Variants in TXNRD3 observed in about 807,000 individuals in gnomAD.
TXNRD3 encodes thioredoxin reductase 3.
In TXNRD3, 68 loss-of-function variants were observed where a neutral mutation model predicts 78.2. The ratio of observed to expected loss-of-function variants is 0.87; its 90% CI spans 0.72 to 1.06. TXNRD3 has a LOEUF of 1.06. Among genes scored for constraint, TXNRD3 ranks in the 50% least tolerant of loss-of-function variants. The pLI is 0.00. For synonymous variants in TXNRD3, 296 were observed against 300.1 expected, an observed-to-expected ratio of 0.99 and a Z score of 0.14; for missense variants, 751 against 809.5, an observed-to-expected ratio of 0.93 and a Z score of 0.88.
chr3:126,655,021 C>T lies in TXNRD3; in HGVS notation c.-31G>A. 5 of 1,295,318 alleles carry T rather than the reference C, an allele frequency of 3.9e-6. No individual in the cohort carries two copies. Among genetic ancestry groups the T allele is most frequent in the Non-Finnish European group, 3.9e-6 (4 of 1,023,756 alleles). The allele number at this position is 1,295,318 out of a possible 1,614,324, so 80.2% of individuals were successfully genotyped here. A position where few individuals can be genotyped will look rare whatever the true frequency, so the allele number is the denominator to read the frequency against. ...CGCTCTCGCTCCTGGCCCGGCCGGG[C>T]CTGCTCACAAACCGAAACGCAGGCG... On this transcript the variant is annotated 5_prime_UTR_variant, in exon 1 of 16. Coordinates refer to ENST00000524230, the MANE Select transcript of TXNRD3 (RefSeq NM_052883.3).
intron 13 of TXNRD3, among the ~76,000 whole-genome samples, chr3:126,611,579 C>T (rs1576279084): frequency 6.6e-6 from 1 of 152,180 alleles, no homozygotes; most frequent in South Asian, 2.1e-4. Flanking sequence ...AGAACCCAGC[C>T]ATGGGAGAGC....
chr3:126,610,371 A>G (rs1938170406), intron 14 of TXNRD3, among the ~76,000 whole-genome samples: 1 of 152,196 alleles, frequency 6.6e-6, no homozygotes, highest in Non-Finnish European at 1.5e-5. Context: ...TTCTACATTC[A>G]GAATTCTTTA....
At chr3:126,618,715 C>T (rs1576282712) in intron 12 of TXNRD3, among the ~76,000 whole-genome samples, 3 of 151,696 alleles carry the variant, frequency 2.0e-5, no homozygotes, top group South Asian at 4.2e-4. Flanking sequence ...ACAAATGAGA[C>T]GGTATCAAAC....
At chr3:126,635,256 G>A (rs1938828478) in intron 6 of TXNRD3, among the ~76,000 whole-genome samples, 1 of 152,040 alleles carries the variant, frequency 6.6e-6, no homozygotes, top group South Asian at 2.1e-4. Context: ...TGTTCTTGTT[G>A]CAAAAGGCAT....
At chr3:126,644,177 C>A (rs1559779212) in intron 4 of TXNRD3, 120 bp downstream of exon 4, 1 of 1,342,964 alleles carries the variant, frequency 7.4e-7, no homozygotes, top group South Asian at 1.3e-5. Flanking sequence ...CTGAATTATA[C>A]CAGCTATTAC....
chr3:126,645,135 C>G (rs1423618181), intron 3 of TXNRD3, among the ~76,000 whole-genome samples: 1 of 152,204 alleles, frequency 6.6e-6, no homozygotes, highest in Non-Finnish European at 1.5e-5. Context: ...CGTGGACTCA[C>G]CAAATGCCAT....
intron 14 of TXNRD3, among the ~76,000 whole-genome samples, 152 bp from the exon 15 acceptor site, chr3:126,608,785 T>C (rs558899928): frequency 6.6e-6 from 1 of 152,270 alleles, no homozygotes; most frequent in East Asian, 1.9e-4. Flanking sequence ...ACCATGAAAC[T>C]AAGCCACTGT....
intron 7 of TXNRD3, 33 bp downstream of exon 7, chr3:126,633,875 AG>A: frequency 7.0e-7 from 1 of 1,436,338 alleles, no homozygotes; most frequent in Non-Finnish European, 9.1e-7. Flanking sequence ...TTGTAAAGAA[AG>A]GAGATGAACA....
intron 12 of TXNRD3, among the ~76,000 whole-genome samples, chr3:126,618,528 T>C (rs540111578): frequency 1.3e-5 from 2 of 152,310 alleles, no homozygotes; most frequent in African/African-American, 2.4e-5. Context: ...AGAATGAAAC[T>C]GTACCTCTAT....
intron 10 of TXNRD3, 129 bp downstream of exon 10, chr3:126,629,250 T>A (rs1938652950): frequency 2.9e-6 from 2 of 684,224 alleles, no homozygotes; most frequent in South Asian, 4.1e-5. Context: ...TTATCTTCTA[T>A]GATAATGCTC....
chr3:126,612,278 C>A (rs1048915075), intron 13 of TXNRD3, among the ~76,000 whole-genome samples: 1 of 152,172 alleles, frequency 6.6e-6, no homozygotes, highest in Non-Finnish European at 1.5e-5. Context: ...GCTCAAGTGA[C>A]CCACCTGCCT....
chr3:126,638,649 G>A (rs1348044579), intron 6 of TXNRD3, among the ~76,000 whole-genome samples: 3 of 152,056 alleles, frequency 2.0e-5, no homozygotes, highest in Non-Finnish European at 2.9e-5. Context: ...CAGGAGAATC[G>A]CTTGAACACG....
chr3:126,607,607 G>A lies in TXNRD3; in HGVS notation c.*298C>T, dbSNP rs1346037007. 1.4e-5 allele frequency: 4 copies of A among 278,778 alleles called. No individual in the cohort carries two copies. The highest frequency in any genetic ancestry group is 5.2e-5 in the Admixed American group (1 of 19,056). 17.3% of individuals were successfully genotyped at this position (278,778 alleles called of 1,614,324 possible). On this transcript the variant is annotated 3_prime_UTR_variant, in exon 16 of 16. Coordinates refer to ENST00000524230, the MANE Select transcript of TXNRD3 (RefSeq NM_052883.3). ...AATGGTGCCACTCAAAGGTCTTTCC[G>A]AGGGAAGCTCAGTCCTGGCTTGCGA...
chr3:126,614,790 A>C (rs1407931944), intron 13 of TXNRD3, among the ~76,000 whole-genome samples: 2 of 152,222 alleles, frequency 1.3e-5, no homozygotes, highest in African/African-American at 4.8e-5. Context: ...TGAAATATCA[A>C]GTATTAATAA....
chr3:126,646,324 A>G (rs1320705192), intron 2 of TXNRD3, 104 bp from the exon 3 acceptor site: 4 of 803,234 alleles, frequency 5.0e-6, no homozygotes, highest in African/African-American at 3.5e-5. Flanking sequence ...GTACATACTC[A>G]TAACAGGTCA....
intron 10 of TXNRD3, among the ~76,000 whole-genome samples, chr3:126,623,984 A>C (rs1163822005): frequency 1.3e-5 from 2 of 152,158 alleles, no homozygotes; most frequent in Non-Finnish European, 1.5e-5. Context: ...ATACACTACC[A>C]ACCAACCATT....
At chr3:126,646,080 A>G in intron 3 of TXNRD3, 31 bp downstream of exon 3, 1 of 1,439,396 alleles carries the variant, frequency 6.9e-7, no homozygotes, top group East Asian at 2.5e-5. Flanking sequence ...ATGAACAAAC[A>G]GCATTGAAGA....
chr3:126,612,184 C>T (rs923833403), intron 13 of TXNRD3, among the ~76,000 whole-genome samples: 1 of 151,978 alleles, frequency 6.6e-6, no homozygotes, highest in African/African-American at 2.4e-5. Flanking sequence ...ACTACAGGTG[C>T]GCATCTCCAC....
intron 1 of TXNRD3, among the ~76,000 whole-genome samples, chr3:126,654,068 G>A (rs576765588): frequency 2.7e-4 from 41 of 151,712 alleles, no homozygotes; most frequent in African/African-American, 9.4e-4. Context: ...TAACCCTGAG[G>A]GAGGGAGGAG....
Sources: allele counts gnomAD v4.1 joint callset (sites outside exome capture counted in the v4.1 genomes callset), GRCh38; gene constraint gnomAD v4.1.1; transcripts MANE v1.5; gene names NCBI Gene and HGNC (gene_info 2026-07-23, HGNC 2026-07-21).